The following RORB variants were observed in gnomAD, a reference collection of about 807,000 sequenced individuals.
RORB encodes the protein nuclear receptor ROR-beta.
RORB carries 6 observed loss-of-function variants against 59.1 expected under a neutral mutation model. That is an observed-to-expected ratio of 0.10 (90% CI 0.06 to 0.20). The LOEUF is 0.20. Among genes scored for constraint, RORB ranks in the 10% least tolerant of loss-of-function variants. RORB has a pLI of 1.00. For missense variants in RORB, 320 were observed against 560.5 expected (o/e 0.57, Z 4.33); for synonymous variants, 215 against 204.5 (o/e 1.05, Z -0.44).
At chr9:74,660,033 G>A (rs1299888056) in intron 4 of RORB, among the ~76,000 whole-genome samples, 1 of 151,988 alleles carries the variant, frequency 6.6e-6, no homozygotes, top group East Asian at 1.9e-4. Context: ...CTCCTATTAT[G>A]TAAGATATTT....
chr9:74,684,314 G>A (rs1247972834), intron 9 of RORB, among the ~76,000 whole-genome samples: 3 of 152,164 alleles, frequency 2.0e-5, no homozygotes, highest in African/African-American at 7.2e-5. Context: ...GAATAGGGTA[G>A]GGAACATGAT....
chr9:74,501,497 G>A (rs1177040607), intron 1 of RORB, among the ~76,000 whole-genome samples: 1 of 151,952 alleles, frequency 6.6e-6, no homozygotes, highest in Admixed American at 6.6e-5. Context: ...AACATTGCTG[G>A]AAGGACATCT....
chr9:74,641,898 C>A (rs933966806), intron 3 of RORB, among the ~76,000 whole-genome samples: 2 of 151,910 alleles, frequency 1.3e-5, no homozygotes, highest in Non-Finnish European at 2.9e-5. Context: ...CAGAGCAAGA[C>A]CCTGTCTCTT....
chr9:74,575,503 G>A (rs143546560), intron 1 of RORB, among the ~76,000 whole-genome samples: 1 of 152,208 alleles, frequency 6.6e-6, no homozygotes, highest in African/African-American at 2.4e-5. Context: ...GTATTCACCT[G>A]CCTGACAGGA....
chr9:74,513,370 T>A (rs1825966501), intron 1 of RORB, among the ~76,000 whole-genome samples: 1 of 152,062 alleles, frequency 6.6e-6, no homozygotes, highest in Non-Finnish European at 1.5e-5. Flanking sequence ...ATATTTAGTA[T>A]TAGGTTGATG....
rs1345899348 is a variant in RORB, at chr9:74,687,594, T to C, written c.*1976T>C. 1 of 152,208 alleles carries C rather than the reference T, an allele frequency of 6.6e-6. No homozygotes were observed. Among genetic ancestry groups the C allele is most frequent in the Non-Finnish European group, 1.5e-5 (1 of 68,038 alleles). The allele number at this position is 152,208 out of a possible 1,614,324, so 9.4% of individuals were successfully genotyped here. ...CTCAACTACTGTTATATTCAATTAA[T>C]TTAACTACATTGAACCAAATTACCT... On this transcript the variant is annotated 3_prime_UTR_variant, in exon 10 of 10. Coordinates refer to ENST00000376896, the MANE Select transcript of RORB (RefSeq NM_006914.4).
chr9:74,524,974 C>T (rs1826135843), intron 1 of RORB, among the ~76,000 whole-genome samples: 1 of 151,678 alleles, frequency 6.6e-6, no homozygotes, highest in Non-Finnish European at 1.5e-5. Flanking sequence ...TGCCATAACA[C>T]AAAGCTAAGG....
chr9:74,512,767 A>C (rs1024616023), intron 1 of RORB, among the ~76,000 whole-genome samples: 1 of 152,114 alleles, frequency 6.6e-6, no homozygotes, highest in African/African-American at 2.4e-5. Context: ...TTTTTTGTGT[A>C]TTCTCTGAGA....
chr9:74,593,333 G>C (rs186402107), intron 1 of RORB, among the ~76,000 whole-genome samples: 1 of 151,952 alleles, frequency 6.6e-6, no homozygotes, highest in African/African-American at 2.4e-5. Context: ...AGGCACAGTG[G>C]TGTACGCCTA....
chr9:74,624,410 A>G (rs965651073), intron 1 of RORB, among the ~76,000 whole-genome samples: 2 of 152,208 alleles, frequency 1.3e-5, no homozygotes, highest in Non-Finnish European at 2.9e-5. Context: ...CACTGATGAG[A>G]TACACATGGG....
Position 74,630,834 on chromosome 9 carries a change from AAG to A in RORB, c.93+469_93+470del, listed in dbSNP as rs1491197605. Among the ~76,000 whole-genome samples the A allele has an allele frequency of 5.5e-3, 460 of 84,090 alleles. 3 individuals are homozygous for A. Among genetic ancestry groups the A allele is most frequent in the African/African-American group, 9.2e-3 (292 of 31,692 alleles). The allele number at this position is 84,090 out of a possible 152,430, so 55.2% of individuals were successfully genotyped here. ...TTATTCTCAAGTTACAGGAAAAAAA[AAG>A]AAAAGAAAAGAAAAGAAAACTGGAA... On this transcript the variant is annotated intron_variant, in intron 2 of 9. Coordinates refer to ENST00000376896, the MANE Select transcript of RORB (RefSeq NM_006914.4).
chr9:74,634,661 G>T lies in RORB; in HGVS notation c.124G>T (p.Ala42Ser). The change falls in exon 3 of 10, where the codon GCT (alanine) becomes TCT (serine). Residue 42 changes from alanine to serine, a missense_variant. Physicochemically the swap from Ala to Ser is moderately conservative, Grantham distance 99. Around this residue, in one of 4 missense-constraint regions of RORB, gnomAD observed 37 missense variants for 116.4 expected, o/e 0.32. Coordinates refer to ENST00000376896, the MANE Select transcript of RORB (RefSeq NM_006914.4). ...CTTTAGGAGGAGCCAGCAGAACAAT[G>T]CTTCTTATTCCTGCCCAAGGCAGAG... ...GFFRRSQQNN[A>S]SYSCPRQRNC... 6.2e-7 allele frequency: 1 copy of T among 1,612,808 alleles called. No individual in the cohort carries two copies. Among genetic ancestry groups the T allele is most frequent in the Non-Finnish European group, 8.5e-7 (1 of 1,179,380 alleles).
In RORB at chr9:74,542,635, T is replaced by A. The variant is rs1587351302; in HGVS notation, c.7+44652T>A. Among the ~76,000 whole-genome samples, 4 of 152,334 alleles carry A rather than the reference T, an allele frequency of 2.6e-5. No homozygotes were observed. The South Asian group carries it at 8.3e-4, about 32-fold the overall frequency. On this transcript the variant is annotated intron_variant, in intron 1 of 9. Coordinates refer to ENST00000376896, the MANE Select transcript of RORB (RefSeq NM_006914.4). ...GCAGTTTTTCACAACTGATAAAAGA[T>A]GTTACTTCTCTGACTTAGCAAAATC...
intron 1 of RORB, among the ~76,000 whole-genome samples, chr9:74,577,782 T>G (rs1323355): frequency 2.6e-5 from 4 of 151,804 alleles, no homozygotes; most frequent in African/African-American, 9.7e-5. Context: ...AGGTTTATTA[T>G]GAGAAATAAA....
chr9:74,580,139 G>T (rs1003414282), intron 1 of RORB, among the ~76,000 whole-genome samples: 3 of 152,152 alleles, frequency 2.0e-5, no homozygotes, highest in African/African-American at 7.2e-5. Context: ...CATCCACTAG[G>T]GGTTTAAGAC....
chr9:74,613,141 G>A (rs1823257841), intron 1 of RORB, among the ~76,000 whole-genome samples: 1 of 152,088 alleles, frequency 6.6e-6, no homozygotes, highest in Admixed American at 6.5e-5. Context: ...ATGAACAAAG[G>A]CATGAAGATT....
intron 1 of RORB, among the ~76,000 whole-genome samples, chr9:74,562,682 A>T (rs888924881): frequency 1.3e-5 from 2 of 152,216 alleles, no homozygotes; most frequent in African/African-American, 4.8e-5. Context: ...ACATCAGTCA[A>T]CATGGACACT....
chr9:74,499,687 A>G (rs937150353), intron 1 of RORB, among the ~76,000 whole-genome samples: 10 of 152,176 alleles, frequency 6.6e-5, no homozygotes, highest in African/African-American at 2.4e-4. Context: ...ACCTTGGCTT[A>G]GTAAGAGACG....
intron 1 of RORB, chr9:74,498,278 G>A (rs1038141435): frequency 3.5e-5 from 16 of 460,904 alleles, no homozygotes; most frequent in African/African-American, 3.1e-4. Context: ...TTTGCTTGTC[G>A]CTCTCGGGTG....
Sources: allele counts gnomAD v4.1 joint callset (sites outside exome capture counted in the v4.1 genomes callset), GRCh38; gene constraint gnomAD v4.1.1; regional missense constraint gnomAD v4.1.1; transcripts MANE v1.5; gene names NCBI Gene and HGNC (gene_info 2026-07-23, HGNC 2026-07-21).